The following CLUH variants were observed in gnomAD, a reference collection of about 807,000 sequenced individuals.
CLUH encodes the protein clustered mitochondria protein homolog.
Under a neutral mutation model 139.3 loss-of-function variants are expected in CLUH, and 77 were observed. The ratio of observed to expected loss-of-function variants is 0.55; its 90% confidence interval spans 0.46 to 0.67. CLUH has a LOEUF of 0.67. Ranked by LOEUF, CLUH falls within the 30% of genes least tolerant of loss-of-function variation. The pLI is 0.00. For missense variants in CLUH, 1,876 were observed against 1,875.8 expected (o/e 1.00, Z 0.00); for synonymous variants, 999 against 801.6 (o/e 1.25, Z -4.16).
intron 25 of CLUH, 183 bp downstream of exon 25, chr17:2,691,426 G>A: frequency 3.3e-6 from 2 of 610,448 alleles, no homozygotes; most frequent in Non-Finnish European, 5.8e-6. Context: ...GCCGGGCGAG[G>A]TGGCGGACAC....
rs1377490257 is a variant in CLUH, at chr17:2,693,776, C to T, written c.3231+124G>A. On this transcript the variant is annotated intron_variant, in intron 19 of 25. Transcript: ENST00000651024. ...TACAGAGGGGTGGAGCCAGGGGTGG[C>T]CTGGGCAGAACCAGCGACTTCCTGG... 3.1e-6 allele frequency: 4 copies of T among 1,275,422 alleles called. No homozygotes were observed. The African/African-American group carries it at 4.5e-5, about 14-fold the overall frequency. 79.0% of individuals were successfully genotyped at this position (1,275,422 alleles called of 1,614,324 possible).
At chr17:2,696,006 A>G in intron 13 of CLUH, 153 bp downstream of exon 13, 2 of 649,966 alleles carry the variant, frequency 3.1e-6, no homozygotes, top group Non-Finnish European at 5.3e-6. Flanking sequence ...TCTGGGGGTC[A>G]GGCTCCCCAT....
chr17:2,710,664 G>T (rs1053122918), intron 1 of CLUH, among the ~76,000 whole-genome samples: 1 of 152,118 alleles, frequency 6.6e-6, no homozygotes, highest in African/African-American at 2.4e-5. Context: ...ACGGTGGAGG[G>T]AACAGAAGGA....
At chr17:2,695,346 G>T (rs113031697) in intron 14 of CLUH, 28 bp downstream of exon 14, 2 of 1,613,104 alleles carry the variant, frequency 1.2e-6, no homozygotes, top group South Asian at 2.2e-5. Context: ...CACAGCTCCC[G>T]TTCCGCCCCA....
In CLUH at chr17:2,692,344, G is replaced by T; in HGVS notation, c.3560+17C>A. 1 of 1,542,208 alleles carries T rather than the reference G, an allele frequency of 6.5e-7. No homozygotes were observed. Among genetic ancestry groups the T allele is most frequent in the Non-Finnish European group, 8.7e-7 (1 of 1,150,702 alleles). ...AGGCCTCCGCCGGCCTTGGCGTTTGGACGGGCGGCCCCTCACCTGAGGGCC... is the reference window on the plus strand; with the variant it reads ...AGGCCTCCGCCGGCCTTGGCGTTTGTACGGGCGGCCCCTCACCTGAGGGCC... On this transcript the variant is annotated intron_variant, in intron 22 of 25. Transcript: ENST00000651024.
rs919840525 is a variant in CLUH at position 2,709,064 on chromosome 17, G to A, written c.100+2498C>T. On this transcript the variant is annotated intron_variant, in intron 1 of 25. Coordinates refer to ENST00000651024, the MANE Select transcript of CLUH (RefSeq NM_001366661.1). Reference sequence around the variant, plus strand: ...ACGCAAACTCAGATGCTAGTGAAGAGACAAAGCACACCCTTGCCCCGGCCT... The same window carrying A: ...ACGCAAACTCAGATGCTAGTGAAGAAACAAAGCACACCCTTGCCCCGGCCT... Among the ~76,000 whole-genome samples the A allele has an allele frequency of 2.6e-5, 4 of 152,350 alleles. No individual in the cohort carries two copies. In the East Asian group the frequency reaches 7.7e-4, roughly 29 times the overall value.
At position 2,690,647 on chromosome 17, in the gene CLUH, G is replaced by A. The variant is rs952500727; in HGVS notation, c.3994C>T (p.Leu1332=). ...EPAPAGAPGD[L]GSQPPAAKDP... Reference sequence around the variant, plus strand: ...TTGGCAGCCGGGGGCTGGGAGCCCAGGTCTCCTGGGGCCCCCGCTGGCGCG... The same window carrying A: ...TTGGCAGCCGGGGGCTGGGAGCCCAAGTCTCCTGGGGCCCCCGCTGGCGCG... Residue 1332 remains leucine (L), a synonymous_variant, in exon 26 of 26, where the codon CTG becomes TTG. Coordinates refer to ENST00000651024, the MANE Select transcript of CLUH (RefSeq NM_001366661.1). 2.6e-6 allele frequency: 4 copies of A among 1,527,352 alleles called. No individual in the cohort carries two copies. The highest frequency in any genetic ancestry group is 3.5e-6 in the Non-Finnish European group (4 of 1,144,234). The allele number at this position is 1,527,352 out of a possible 1,614,324, so 94.6% of individuals were successfully genotyped here.
At chr17:2,710,566 A>C (rs1192887900) in intron 1 of CLUH, among the ~76,000 whole-genome samples, 1 of 152,206 alleles carries the variant, frequency 6.6e-6, no homozygotes, top group Non-Finnish European at 1.5e-5. Flanking sequence ...CTGCACCTCC[A>C]CTGCCACCCA....
rs1379562260 is a variant in CLUH, at chr17:2,692,356, C to T, written c.3560+5G>A. 1.3e-6 allele frequency: 2 copies of T among 1,568,000 alleles called. No homozygotes were observed. Among genetic ancestry groups the T allele is most frequent in the African/African-American group, 1.3e-5 (1 of 74,140 alleles). On this transcript the variant is annotated splice_donor_5th_base_variant and intron_variant, in intron 22 of 25. Coordinates refer to ENST00000651024, the MANE Select transcript of CLUH (RefSeq NM_001366661.1). ...GCCTTGGCGTTTGGACGGGCGGCCCCTCACCTGAGGGCCACCTTGAGGGCC... is the reference window on the plus strand; with the variant it reads ...GCCTTGGCGTTTGGACGGGCGGCCCTTCACCTGAGGGCCACCTTGAGGGCC...
At chr17:2,709,436 G>A (rs1417275124) in intron 1 of CLUH, among the ~76,000 whole-genome samples, 1 of 152,062 alleles carries the variant, frequency 6.6e-6, no homozygotes, top group Non-Finnish European at 1.5e-5. Flanking sequence ...GAGTTCCTCA[G>A]GCTGCTCTCC....
rs191648560 is a variant in CLUH, at chr17:2,703,154, G to A, written c.475+164C>T. 2.0e-5 allele frequency among the ~76,000 whole-genome samples: 3 copies of A among 152,318 alleles called. No individual in the cohort carries two copies. The highest frequency in any genetic ancestry group is 1.9e-4 in the East Asian group (1 of 5,180). On this transcript the variant is annotated intron_variant, in intron 3 of 25. Transcript: ENST00000651024. The surrounding 1 kb of genome is among the most constrained non-coding windows in gnomAD (Gnocchi z 4.2). Reference sequence around the variant, plus strand: ...GGCTCTGTTCTTTAACCCATGGGCCGTGAAGTTGGCAGATATAGGTGTGCT... The same window carrying A: ...GGCTCTGTTCTTTAACCCATGGGCCATGAAGTTGGCAGATATAGGTGTGCT...
Position 2,690,545 on chromosome 17 carries a change from G to C in CLUH, c.*49C>G, listed in dbSNP as rs964360648. 2.2e-6 allele frequency: 3 copies of C among 1,394,718 alleles called. No individual in the cohort carries two copies. The highest frequency in any genetic ancestry group is 1.9e-6 in the Non-Finnish European group (2 of 1,068,172). 86.4% of individuals were successfully genotyped at this position (1,394,718 alleles called of 1,614,324 possible). ...GGCTCGCCCCCTTCTCCCGCAGTCG[G>C]GCTCCCTGGTGACGGGGCCGCTGGC... On this transcript the variant is annotated 3_prime_UTR_variant, in exon 26 of 26. Coordinates refer to ENST00000651024, the MANE Select transcript of CLUH (RefSeq NM_001366661.1).
rs891550162 is a variant in CLUH at position 2,690,334 on chromosome 17, C to T, written c.*260G>A. On this transcript the variant is annotated 3_prime_UTR_variant, in exon 26 of 26. Coordinates refer to ENST00000651024, the MANE Select transcript of CLUH (RefSeq NM_001366661.1). ...CGGGGGCCGAAGCAACACCTGCCCC[C>T]CAGCCGGGAACTGATGGCCGCACAC... is the stretch of plus-strand genomic sequence containing the variant. The T allele has an allele frequency of 1.2e-5, 5 of 406,472 alleles. No individual in the cohort carries two copies. The highest frequency in any genetic ancestry group is 8.9e-5 in the Admixed American group (2 of 22,412). 25.2% of individuals were successfully genotyped at this position (406,472 alleles called of 1,614,324 possible). A position where few individuals can be genotyped will look rare whatever the true frequency, so the allele number is the denominator to read the frequency against.
At position 2,703,173 on chromosome 17, in the gene CLUH, G is replaced by C. The variant is rs2070240977; in HGVS notation, c.475+145C>G. 4 of 835,664 alleles carry C rather than the reference G, an allele frequency of 4.8e-6. No individual in the cohort carries two copies. Among genetic ancestry groups the C allele is most frequent in the African/African-American group, 1.7e-5 (1 of 59,000 alleles). The allele number at this position is 835,664 out of a possible 1,614,324, so 51.8% of individuals were successfully genotyped here. A position where few individuals can be genotyped will look rare whatever the true frequency, so the allele number is the denominator to read the frequency against. On this transcript the variant is annotated intron_variant, in intron 3 of 25. Transcript: ENST00000651024. The surrounding 1 kb of genome is among the most constrained non-coding windows in gnomAD (Gnocchi z 4.2). ...TGGGCCGTGAAGTTGGCAGATATAG[G>C]TGTGCTGGCCTGAGAAGCAGATCTG... is the stretch of plus-strand genomic sequence containing the variant.
chr17:2,699,350 G>GT (rs1285086189), intron 9 of CLUH, among the ~76,000 whole-genome samples: 1 of 152,108 alleles, frequency 6.6e-6, no homozygotes, highest in Admixed American at 6.6e-5. Flanking sequence ...TTCAGACAGG[G>GT]TATCACGCTG....
At chr17:2,699,503 T>C (rs1017413805) in intron 9 of CLUH, among the ~76,000 whole-genome samples, 1 of 152,152 alleles carries the variant, frequency 6.6e-6, no homozygotes, top group African/African-American at 2.4e-5. Flanking sequence ...ATCTTTTGTA[T>C]TTTTTGCAGA....
In CLUH at chr17:2,698,222, G is replaced by T; in HGVS notation, c.1635C>A (p.Phe545Leu). 2 of 1,588,180 alleles carry T rather than the reference G, an allele frequency of 1.3e-6. No homozygotes were observed. Among genetic ancestry groups the T allele is most frequent in the South Asian group, 1.1e-5 (1 of 87,490 alleles). Residue 545 changes from phenylalanine to leucine, a missense_variant, in exon 10 of 26, where the codon TTC becomes TTA. By Grantham distance (22) the Phe-to-Leu change is conservative. Transcript: ENST00000651024. ...GCGGGTGTGACACCACGGTCTTGCC[G>T]AAGTCGATGGAGCCGTAGATGACGC... The part of the protein sequence containing the change: ...EQSVIYGSID[F>L]GKTVVSHPRY...
rs767287703 is a variant in CLUH at position 2,690,561 on chromosome 17, G to C, written c.*33C>G. 2 of 1,420,192 alleles carry C rather than the reference G, an allele frequency of 1.4e-6. No individual in the cohort carries two copies. Among genetic ancestry groups the C allele is most frequent in the South Asian group, 1.6e-5 (1 of 62,832 alleles). 88.0% of individuals were successfully genotyped at this position (1,420,192 alleles called of 1,614,324 possible). On this transcript the variant is annotated 3_prime_UTR_variant, in exon 26 of 26. Coordinates refer to ENST00000651024, the MANE Select transcript of CLUH (RefSeq NM_001366661.1). Reference sequence around the variant, plus strand: ...CCGCAGTCGGGCTCCCTGGTGACGGGGCCGCTGGCTGGCTGTCCGTCTGGC... The same window carrying C: ...CCGCAGTCGGGCTCCCTGGTGACGGCGCCGCTGGCTGGCTGTCCGTCTGGC...
chr17:2,705,491 CCTCCCACCGCT>C, intron 1 of CLUH, among the ~76,000 whole-genome samples: 1 of 152,216 alleles, frequency 6.6e-6, no homozygotes, highest in South Asian at 2.1e-4. Context: ...CTCCCACCGC[CCTCCCACCGCT>C]GTGCTTCTGT....
Sources: allele counts gnomAD v4.1 joint callset (sites outside exome capture counted in the v4.1 genomes callset), GRCh38; gene constraint gnomAD v4.1.1; non-coding constraint Gnocchi (gnomAD v3.1); transcripts MANE v1.5; gene names NCBI Gene and HGNC (gene_info 2026-07-23, HGNC 2026-07-21).